HECW1: variants seen among roughly 807,000 people sequenced by gnomAD.
HECW1 encodes the protein E3 ubiquitin-protein ligase HECW1.
HECW1 carries 61 observed loss-of-function variants against 182.3 expected under a neutral mutation model. The ratio of observed to expected loss-of-function variants is 0.33; its 90% CI spans 0.27 to 0.41. The LOEUF is 0.41. HECW1 is among the 10% of genes least tolerant of loss of function. HECW1 has a pLI of 1.00. For missense variants in HECW1, 1,739 were observed against 2,108.9 expected, an observed-to-expected ratio of 0.82 and a Z score of 3.44; for synonymous variants, 859 against 832.6, an observed-to-expected ratio of 1.03 and a Z score of -0.55.
At chr7:43,240,779 G>T (rs1432066886) in intron 2 of HECW1, among the ~76,000 whole-genome samples, 1 of 152,184 alleles carries the variant, frequency 6.6e-6, no homozygotes, top group African/African-American at 2.4e-5. Context: ...AGGTGCCAGG[G>T]GTTTGCAGGG....
At chr7:43,529,289 C>T (rs1053749993) in intron 24 of HECW1, among the ~76,000 whole-genome samples, 2 of 152,128 alleles carry the variant, frequency 1.3e-5, no homozygotes, top group South Asian at 4.1e-4. Context: ...GCCTCCTGAG[C>T]GCCTTCATTC....
intron 2 of HECW1, among the ~76,000 whole-genome samples, chr7:43,190,113 C>CTTTG (rs750901702): frequency 6.6e-6 from 1 of 150,854 alleles, no homozygotes; most frequent in African/African-American, 2.4e-5. Flanking sequence ...TGTTTGTTTG[C>CTTTG]TTTGTTTGTT....
At chr7:43,482,744 A>C (rs918742989) in intron 17 of HECW1, among the ~76,000 whole-genome samples, 4 of 152,028 alleles carry the variant, frequency 2.6e-5, no homozygotes, top group Admixed American at 2.6e-4. Context: ...TTTCTCTACA[A>C]AAATTTAAAA....
intron 1 of HECW1, among the ~76,000 whole-genome samples, chr7:43,113,217 C>T (rs554462833): frequency 2.6e-5 from 4 of 152,104 alleles, no homozygotes; most frequent in Non-Finnish European, 5.9e-5. Flanking sequence ...CAAAGAAGCC[C>T]CCAAGCGGGT....
At chr7:43,155,651 CCT>C (rs751951246) in intron 2 of HECW1, among the ~76,000 whole-genome samples, 26 of 152,250 alleles carry the variant, frequency 1.7e-4, no homozygotes, top group South Asian at 4.1e-4. Context: ...TGAGTGTGTA[CCT>C]CTCTACTCAG....
At chr7:43,477,712 T>TG (rs200861749) in intron 16 of HECW1, among the ~76,000 whole-genome samples, 2,172 of 152,270 alleles carry the variant, frequency 0.014, 18 homozygotes, top group Non-Finnish European at 0.023. Flanking sequence ...ACCTTTTTCC[T>TG]GGGGGGTGTA....
At chr7:43,435,361 C>G (rs1461691535) in intron 8 of HECW1, among the ~76,000 whole-genome samples, 2 of 152,106 alleles carry the variant, frequency 1.3e-5, no homozygotes, top group African/African-American at 4.8e-5. Flanking sequence ...AGTACCTATT[C>G]CTGGGTTGGA....
intron 2 of HECW1, among the ~76,000 whole-genome samples, chr7:43,124,280 G>A (rs1785951343): frequency 6.6e-6 from 1 of 152,166 alleles, no homozygotes; most frequent in South Asian, 2.1e-4. Context: ...GCACATGTTG[G>A]TATAAATTCG....
intron 12 of HECW1, among the ~76,000 whole-genome samples, chr7:43,452,195 CA>C (rs2077257305): frequency 6.6e-6 from 1 of 152,200 alleles, no homozygotes; most frequent in South Asian, 2.1e-4. Context: ...AGCATCACTA[CA>C]AATACTTCCT....
At chr7:43,328,190 G>A (rs977053920) in intron 5 of HECW1, among the ~76,000 whole-genome samples, 1 of 151,998 alleles carries the variant, frequency 6.6e-6, no homozygotes, top group Non-Finnish European at 1.5e-5. Context: ...AGCTCTGTTT[G>A]GTGGCATGCA....
In HECW1 at chr7:43,513,294, G is replaced by A. The variant is rs186227545; in HGVS notation, c.4019+4173G>A. 9.8e-5 allele frequency among the ~76,000 whole-genome samples: 15 copies of A among 152,300 alleles called. No individual in the cohort carries two copies. In the East Asian group the frequency reaches 2.9e-3, roughly 29 times the overall value. Reference sequence around the variant, plus strand: ...TAAGATCTTTACACTCTGGGACTCTGCTCTCCACGACGCGTGAATGCTGCT... The same window carrying A: ...TAAGATCTTTACACTCTGGGACTCTACTCTCCACGACGCGTGAATGCTGCT... On this transcript the variant is annotated intron_variant, in intron 24 of 29. Coordinates refer to ENST00000395891, the MANE Select transcript of HECW1 (RefSeq NM_015052.5).
chr7:43,291,888 A>T (rs893885952), intron 3 of HECW1, among the ~76,000 whole-genome samples: 1 of 152,240 alleles, frequency 6.6e-6, no homozygotes, highest in African/African-American at 2.4e-5. Context: ...ATACAAAGAG[A>T]GAAGGGCCTA....
At position 43,345,791 on chromosome 7, in the gene HECW1, C is replaced by CATAT. The variant is rs71562090; in HGVS notation, c.461-15089_461-15086dup. Reference sequence around the variant, plus strand: ...TTTTTATGGTTGTGTAGTATTCCATCATATATATACACACACACACACACA... The same window carrying CATAT: ...TTTTTATGGTTGTGTAGTATTCCATCATATATATATATACACACACACACACACA... On this transcript the variant is annotated intron_variant, in intron 5 of 29. Transcript: ENST00000395891. Among the ~76,000 whole-genome samples, 259 of 45,080 alleles carry CATAT rather than the reference C, an allele frequency of 5.7e-3. 1 individual carries two copies. The highest frequency in any genetic ancestry group is 0.017 in the African/African-American group (244 of 14,074). The allele number at this position is 45,080 out of a possible 152,430, so 29.6% of individuals were successfully genotyped here. A position where few individuals can be genotyped will look rare whatever the true frequency, so the allele number is the denominator to read the frequency against.
chr7:43,226,803 C>T (rs1420234802), intron 2 of HECW1, among the ~76,000 whole-genome samples: 1 of 152,190 alleles, frequency 6.6e-6, no homozygotes, highest in Non-Finnish European at 1.5e-5. Context: ...CTGGCGTCTC[C>T]CGCACATGGG....
chr7:43,217,754 G>A lies in HECW1; in HGVS notation c.-31-26121G>A, dbSNP rs1278182918. On this transcript the variant is annotated intron_variant, in intron 2 of 29. Coordinates refer to ENST00000395891, the MANE Select transcript of HECW1 (RefSeq NM_015052.5). ...GCCATGTCCTTACACAGCTCTTGGC[G>A]TATGGTTTGGAGGACTTCAAAGACT... Among the ~76,000 whole-genome samples, 5 of 152,298 alleles carry A rather than the reference G, an allele frequency of 3.3e-5. No individual in the cohort carries two copies. The East Asian group carries it at 5.8e-4, about 18-fold the overall frequency.
intron 7 of HECW1, among the ~76,000 whole-genome samples, chr7:43,406,474 CGTCA>C (rs1432995785): frequency 6.6e-6 from 1 of 152,136 alleles, no homozygotes; most frequent in East Asian, 1.9e-4. Context: ...TGTGCTTTTT[CGTCA>C]GTAACAAATT....
At chr7:43,116,852 A>G (rs1172634632) in intron 2 of HECW1, among the ~76,000 whole-genome samples, 1 of 152,236 alleles carries the variant, frequency 6.6e-6, no homozygotes, top group East Asian at 1.9e-4. Flanking sequence ...AGTTGAATCA[A>G]GTAATCCCAA....
In HECW1 at chr7:43,205,313, G is replaced by C. The variant is rs1186827559; in HGVS notation, c.-31-38562G>C. ...TTGGCCAGGCTGGTCTCAAACTCCT[G>C]ACGTCATGATCGGCCCGCCTTGGCC... is the stretch of plus-strand genomic sequence containing the variant. On this transcript the variant is annotated intron_variant, in intron 2 of 29. Coordinates refer to ENST00000395891, the MANE Select transcript of HECW1 (RefSeq NM_015052.5). 2.0e-5 allele frequency among the ~76,000 whole-genome samples: 3 copies of C among 152,122 alleles called. No individual in the cohort carries two copies. In the East Asian group the frequency reaches 5.8e-4, roughly 29 times the overall value.
At chr7:43,308,348 A>T (rs1195800902) in intron 3 of HECW1, among the ~76,000 whole-genome samples, 23 of 136,656 alleles carry the variant, frequency 1.7e-4, no homozygotes, top group Middle Eastern at 3.9e-3. Context: ...ATTATATGAT[A>T]TATTTATATA....
Sources: gnomAD v4.1 joint callset for allele counts (sites outside exome capture counted in the v4.1 genomes callset) on GRCh38, gnomAD v4.1.1 for gene constraint, MANE v1.5 for transcripts, NCBI Gene and HGNC (gene_info 2026-07-23, HGNC 2026-07-21) for gene names.